EPM2A: variants seen among roughly 807,000 people sequenced by gnomAD.
The protein encoded by EPM2A is EPM2A glucan phosphatase, laforin, also known as laforin.
Under a neutral mutation model 26.5 loss-of-function variants are expected in EPM2A, and 21 were observed. The observed-to-expected ratio is 0.79, with a 90% CI of 0.56 to 1.14. EPM2A has a LOEUF of 1.14. Ranked by LOEUF, EPM2A falls within the 50% of genes most tolerant of loss-of-function variation. The pLI is 0.00. For synonymous variants in EPM2A, 217 were observed against 177.6 expected (o/e 1.22, Z -1.76); for missense variants, 458 against 440.8 (o/e 1.04, Z -0.35).
chr6:145,469,548 A>G (rs1399112175), intron 4 of EPM2A, among the ~76,000 whole-genome samples: 4 of 152,178 alleles, frequency 2.6e-5, no homozygotes, highest in Non-Finnish European at 5.9e-5. Context: ...GATGTGAAAA[A>G]AAGGGAACTC....
At chr6:145,524,437 CCAA>C (rs1466435357) in intron 2 of EPM2A, among the ~76,000 whole-genome samples, 1 of 152,026 alleles carries the variant, frequency 6.6e-6, no homozygotes, top group Admixed American at 6.6e-5. Context: ...TGCAGCCCCA[CCAA>C]CATTTTTCAC....
intron 2 of EPM2A, among the ~76,000 whole-genome samples, chr6:145,574,326 A>G (rs906189672): frequency 2.6e-5 from 4 of 152,180 alleles, no homozygotes; most frequent in Non-Finnish European, 2.9e-5. Flanking sequence ...CATGAGTCAG[A>G]CTATTCTGAT....
At chr6:145,443,079 G>C (rs759456852) in intron 4 of EPM2A, among the ~76,000 whole-genome samples, 20 of 151,960 alleles carry the variant, frequency 1.3e-4, no homozygotes, top group Non-Finnish European at 2.5e-4. Context: ...CACCATGTTA[G>C]ACATGATGGT....
chr6:145,429,480 A>G (rs1778895922), intron 4 of EPM2A, among the ~76,000 whole-genome samples: 1 of 152,140 alleles, frequency 6.6e-6, no homozygotes, highest in Non-Finnish European at 1.5e-5. Flanking sequence ...AATGTTCTGA[A>G]ATAATTAAAA....
chr6:145,398,880 C>A (rs1778443986), intron 4 of EPM2A, among the ~76,000 whole-genome samples: 1 of 148,062 alleles, frequency 6.8e-6, no homozygotes, highest in African/African-American at 2.5e-5. Flanking sequence ...AAAAAACCAT[C>A]AGAGACTTTC....
chr6:145,519,232 A>G (rs375692), intron 2 of EPM2A, among the ~76,000 whole-genome samples: 72,875 of 151,892 alleles, frequency 0.48, 17,485 homozygotes, highest in South Asian at 0.61. Context: ...CTCTACTAGG[A>G]CTCTGTATTT....
At chr6:145,410,050 G>A (rs1465241528) in intron 4 of EPM2A, among the ~76,000 whole-genome samples, 1 of 152,148 alleles carries the variant, frequency 6.6e-6, no homozygotes. Flanking sequence ...ATTCAATATG[G>A]GAGAAGGGTA....
intron 2 of EPM2A, among the ~76,000 whole-genome samples, chr6:145,672,976 C>T (rs1177056592): frequency 6.6e-6 from 1 of 152,118 alleles, no homozygotes; most frequent in African/African-American, 2.4e-5. Context: ...TTTTGTCTCC[C>T]ACACTTAAAG....
chr6:145,407,121 A>T (rs1008316337), intron 4 of EPM2A, among the ~76,000 whole-genome samples: 2 of 152,028 alleles, frequency 1.3e-5, no homozygotes, highest in African/African-American at 4.8e-5. Flanking sequence ...TGTCTTTGGC[A>T]GTAAAGTTTT....
chr6:145,402,534 C>A (rs764145218), intron 4 of EPM2A, among the ~76,000 whole-genome samples: 2 of 152,064 alleles, frequency 1.3e-5, no homozygotes, highest in Non-Finnish European at 2.9e-5. Flanking sequence ...TGATGTAGTA[C>A]CAATATTAAT....
At chr6:145,423,859 A>G (rs1778820141) in intron 4 of EPM2A, among the ~76,000 whole-genome samples, 1 of 152,246 alleles carries the variant, frequency 6.6e-6, no homozygotes, top group African/African-American at 2.4e-5. Context: ...GGAAATTTCC[A>G]GGAAGATTCA....
chr6:145,444,684 C>T (rs148332680), intron 4 of EPM2A, among the ~76,000 whole-genome samples: 40 of 152,274 alleles, frequency 2.6e-4, no homozygotes, highest in Admixed American at 4.6e-4. Context: ...TGAGCTTCCT[C>T]AATAACAGTT....
intron 4 of EPM2A, among the ~76,000 whole-genome samples, chr6:145,482,741 C>G (rs1397642362): frequency 1.1e-4 from 17 of 152,070 alleles, no homozygotes. Context: ...ACCCATTTTG[C>G]TTTACGAATC....
intron 2 of EPM2A, among the ~76,000 whole-genome samples, chr6:145,561,361 C>T (rs1780802326): frequency 6.6e-6 from 1 of 152,122 alleles, no homozygotes; most frequent in South Asian, 2.1e-4. Flanking sequence ...AGCCTAACAA[C>T]ACATTCTCAG....
At chr6:145,667,420 A>G (rs1460522051) in intron 2 of EPM2A, among the ~76,000 whole-genome samples, 1 of 146,334 alleles carries the variant, frequency 6.8e-6, no homozygotes, top group Non-Finnish European at 1.5e-5. Context: ...AAAAATGCTC[A>G]TCATCACTGG....
intron 4 of EPM2A, among the ~76,000 whole-genome samples, chr6:145,453,526 A>G (rs1272033187): frequency 6.6e-6 from 1 of 152,184 alleles, no homozygotes; most frequent in East Asian, 1.9e-4. Flanking sequence ...GATAACAAAT[A>G]AAACCCTCTT....
Position 145,410,873 on chromosome 6 carries a change from T to A in EPM2A, c.556-26776A>T, listed in dbSNP as rs1778633698. On this transcript the variant is annotated intron_variant, in intron 4 of 4. Coordinates refer to the EPM2A transcript ENST00000638717. The stretch of plus-strand genomic sequence containing the variant: ...GACTCTCCCCAGCCACATTTACAAT[T>A]CTTAGAAAGCTGTGGGCCCATTAAA... Among the ~76,000 whole-genome samples the A allele has an allele frequency of 1.3e-5, 2 of 152,208 alleles. 1 individual carries two copies. Among genetic ancestry groups the A allele is most frequent in the South Asian group, 4.1e-4 (2 of 4,836 alleles).
chr6:145,412,214 C>T (rs1333897147), intron 4 of EPM2A, among the ~76,000 whole-genome samples: 3 of 114,062 alleles, frequency 2.6e-5, no homozygotes, highest in African/African-American at 1.0e-4. Flanking sequence ...GACTCTGTCT[C>T]AAAAAAAAAA....
At chr6:145,723,000 G>A (rs1243064567) in intron 1 of EPM2A, among the ~76,000 whole-genome samples, 1 of 152,162 alleles carries the variant, frequency 6.6e-6, no homozygotes, top group Non-Finnish European at 1.5e-5. Flanking sequence ...ACCACCCAGT[G>A]TGCGGTACTT....
Sources: allele counts gnomAD v4.1 joint callset (sites outside exome capture counted in the v4.1 genomes callset), GRCh38; gene constraint gnomAD v4.1.1; transcripts MANE v1.5; gene names NCBI Gene and HGNC (gene_info 2026-07-23, HGNC 2026-07-21).